Variants in PHF14 observed in about 807,000 individuals in gnomAD.
The protein encoded by PHF14 is PHD finger protein 14.
In PHF14, 55 loss-of-function variants were observed where a neutral mutation model predicts 117.9. That is an observed-to-expected ratio of 0.47 (90% CI 0.38 to 0.58). PHF14 has a LOEUF of 0.58. PHF14 is among the 20% of genes least tolerant of loss of function. The pLI is 0.00. For missense variants in PHF14, 978 were observed against 1,122.2 expected (o/e 0.87, Z 1.84); for synonymous variants, 409 against 368.6 (o/e 1.11, Z -1.26).
chr7:11,107,514 C>A, intron 16 of PHF14: 1 of 879,010 alleles, frequency 1.1e-6, no homozygotes, highest in Non-Finnish European at 1.4e-6. Context: ...TTCCTTTATG[C>A]TCTATAGTGT....
chr7:11,010,886 C>T (rs116429694), intron 4 of PHF14, among the ~76,000 whole-genome samples: 3,090 of 152,192 alleles, frequency 0.02, 119 homozygotes, highest in African/African-American at 0.071. Flanking sequence ...AACTCCTGGG[C>T]TCAAGCGATC....
intron 16 of PHF14, among the ~76,000 whole-genome samples, chr7:11,087,535 G>C (rs564956707): frequency 6.6e-6 from 1 of 152,188 alleles, no homozygotes; most frequent in East Asian, 1.9e-4. Context: ...TGTTGTTTTA[G>C]ATATAGGTAC....
intron 16 of PHF14, chr7:11,104,149 G>A: frequency 1.0e-6 from 1 of 984,468 alleles, no homozygotes; most frequent in African/African-American, 1.7e-5. Flanking sequence ...CCTTGTTTTG[G>A]TATCACTGTT....
At chr7:10,988,947 A>G (rs376848968) in intron 3 of PHF14, among the ~76,000 whole-genome samples, 9 of 152,286 alleles carry the variant, frequency 5.9e-5, no homozygotes, top group East Asian at 3.9e-4. Flanking sequence ...ACTTTGAAGC[A>G]TGGCTAGTAG....
At chr7:11,107,060 T>G in intron 16 of PHF14, 1 of 983,100 alleles carries the variant, frequency 1.0e-6, no homozygotes, top group Non-Finnish European at 1.2e-6. Flanking sequence ...GGAGGTGCAC[T>G]TAATTGTTTC....
chr7:11,104,757 C>T, intron 16 of PHF14: 1 of 616,842 alleles, frequency 1.6e-6, no homozygotes. Context: ...ACTTTACTCC[C>T]TCCCCCTTCA....
intron 4 of PHF14, among the ~76,000 whole-genome samples, chr7:10,997,088 C>T (rs941374558): frequency 1.4e-4 from 22 of 152,336 alleles, no homozygotes; most frequent in African/African-American, 5.3e-4. Context: ...TTAGATACAT[C>T]TTGGTCCTTC....
intron 17 of PHF14, among the ~76,000 whole-genome samples, chr7:11,144,692 T>C (rs1362028066): frequency 1.3e-5 from 2 of 151,376 alleles, no homozygotes; most frequent in Non-Finnish European, 2.9e-5. Context: ...TTAGTGTATA[T>C]TCTTAAAAAG....
intron 16 of PHF14, among the ~76,000 whole-genome samples, chr7:11,098,484 A>G (rs143841480): frequency 2.9e-4 from 44 of 151,972 alleles, no homozygotes; most frequent in Middle Eastern, 6.8e-3. Flanking sequence ...TTTTATTGCT[A>G]GTGTATAATT....
intron 17 of PHF14, among the ~76,000 whole-genome samples, chr7:11,143,510 ATTATT>A (rs1190478147): frequency 1.3e-5 from 2 of 152,108 alleles, no homozygotes; most frequent in Admixed American, 6.6e-5. Context: ...TTTTGACTGT[ATTATT>A]TTGTTTTCAT....
chr7:11,061,957 A>T lies in PHF14; in HGVS notation c.2533-7A>T. On this transcript the variant is annotated splice_polypyrimidine_tract_variant and splice_region_variant and intron_variant, in intron 15 of 17. Coordinates refer to ENST00000634607, the MANE Select transcript of PHF14 (RefSeq NM_001007157.2). ...TATGTTTTATTTTATTATCCCTTGT[A>T]TGGCAGGAAAGAGTTCCTAGAGAGA... The T allele has an allele frequency of 6.3e-7, 1 of 1,583,844 alleles. No individual in the cohort carries two copies. Among genetic ancestry groups the T allele is most frequent in the South Asian group, 1.2e-5 (1 of 85,862 alleles).
intron 2 of PHF14, among the ~76,000 whole-genome samples, chr7:10,981,650 T>C (rs182034657): frequency 6.6e-6 from 1 of 152,330 alleles, no homozygotes; most frequent in Non-Finnish European, 1.5e-5. Flanking sequence ...CTAGAGCATA[T>C]AGTAGTTACT....
At chr7:11,046,869 A>G (rs2083550824) in intron 13 of PHF14, among the ~76,000 whole-genome samples, 1 of 152,124 alleles carries the variant, frequency 6.6e-6, no homozygotes, top group Admixed American at 6.5e-5. Context: ...GACATAAGAA[A>G]AAAAAAAACT....
intron 13 of PHF14, among the ~76,000 whole-genome samples, chr7:11,048,726 G>A (rs1784756383): frequency 6.6e-6 from 1 of 152,176 alleles, no homozygotes; most frequent in South Asian, 2.1e-4. Flanking sequence ...AGACTATAGT[G>A]TTTAATAGAT....
intron 17 of PHF14, among the ~76,000 whole-genome samples, chr7:11,159,227 A>G (rs749291895): frequency 1.1e-4 from 16 of 151,966 alleles, no homozygotes; most frequent in Non-Finnish European, 2.2e-4. Flanking sequence ...TAAGATTGTT[A>G]TAATGCCATT....
intron 16 of PHF14, chr7:11,106,769 A>G (rs1228309459): frequency 1.0e-6 from 1 of 984,260 alleles, no homozygotes; most frequent in Non-Finnish European, 1.2e-6. Flanking sequence ...GAATTTTTAC[A>G]CAGAAATGAA....
chr7:11,107,029 T>C, intron 16 of PHF14: 1 of 983,758 alleles, frequency 1.0e-6, no homozygotes, highest in Non-Finnish European at 1.2e-6. Flanking sequence ...AGCTTACAAA[T>C]GGCTATAAAT....
intron 2 of PHF14, among the ~76,000 whole-genome samples, chr7:10,976,768 T>C (rs180990930): frequency 6.6e-6 from 1 of 151,454 alleles, no homozygotes; most frequent in East Asian, 1.9e-4. Context: ...TTTTGTTAGG[T>C]TGATATATCT....
intron 13 of PHF14, 34 bp downstream of exon 13, chr7:11,042,848 T>C: frequency 6.9e-7 from 1 of 1,439,936 alleles, no homozygotes; most frequent in Non-Finnish European, 9.5e-7. Context: ...GATGTTTGAA[T>C]TGATTTACTC....
Sources: gnomAD v4.1 joint callset for allele counts (sites outside exome capture counted in the v4.1 genomes callset) on GRCh38, gnomAD v4.1.1 for gene constraint, MANE v1.5 for transcripts, NCBI Gene and HGNC (gene_info 2026-07-23, HGNC 2026-07-21) for gene names.